The following GEMIN5 variants were observed in gnomAD, a reference collection of about 807,000 sequenced individuals.
GEMIN5 encodes gem-associated protein 5.
A neutral mutation model predicts 176.9 loss-of-function variants in GEMIN5; 124 were observed. The ratio of observed to expected loss-of-function variants is 0.70; its 90% CI spans 0.61 to 0.81. The LOEUF (loss-of-function observed/expected upper bound fraction) is 0.81. GEMIN5 is among the 40% of genes least tolerant of loss of function. The pLI, the probability that GEMIN5 is intolerant of heterozygous loss-of-function variation, is 0.00. For missense variants in GEMIN5, 1,843 were observed against 1,814.6 expected (o/e 1.02, Z -0.28); for synonymous variants, 673 against 665.2 (o/e 1.01, Z -0.18).
At chr5:154,931,337 G>C (rs763144453) in intron 5 of GEMIN5, 121 bp downstream of exon 5, 21 of 1,000,504 alleles carry the variant, frequency 2.1e-5, no homozygotes, top group Admixed American at 5.1e-5. Context: ...CAGAATTCTA[G>C]ACCAAAAAGT....
intron 2 of GEMIN5, among the ~76,000 whole-genome samples, chr5:154,936,764 CA>C (rs1206447314): frequency 1.3e-5 from 2 of 152,146 alleles, no homozygotes; most frequent in Non-Finnish European, 2.9e-5. Context: ...CAGTCATAGA[CA>C]ATACTTAAAT....
At chr5:154,906,977 G>A (rs1399483505) in intron 16 of GEMIN5, among the ~76,000 whole-genome samples, 2 of 152,138 alleles carry the variant, frequency 1.3e-5, no homozygotes. Context: ...AACAGGTCCC[G>A]AGTAAATGTA....
At chr5:154,923,247 G>A (rs1400778466) in intron 9 of GEMIN5, among the ~76,000 whole-genome samples, 1 of 152,078 alleles carries the variant, frequency 6.6e-6, no homozygotes, top group African/African-American at 2.4e-5. Context: ...AGGTGTGGTG[G>A]CACATGCCTG....
chr5:154,935,655 A>T (rs1351606266), intron 3 of GEMIN5, among the ~76,000 whole-genome samples, 186 bp downstream of exon 3: 2 of 152,222 alleles, frequency 1.3e-5, no homozygotes, highest in Non-Finnish European at 2.9e-5. Flanking sequence ...GAAACCAAGG[A>T]AACAAAAACG....
chr5:154,937,976 G>T lies in GEMIN5; in HGVS notation c.158C>A (p.Pro53Gln), dbSNP rs201862403. Residue 53 changes from proline to glutamine, a missense_variant, in exon 1 of 28, where the codon CCG (proline) becomes CAG (glutamine). Physicochemically the swap from Pro to Gln is moderately conservative, Grantham distance 76 (BLOSUM62 -1). Coordinates refer to ENST00000285873, the MANE Select transcript of GEMIN5 (RefSeq NM_015465.5). ...PGAGESPGTPPFRVIGELVGH... is the reference protein window; with the variant it reads ...PGAGESPGTPQFRVIGELVGH... ...CAAGGGTGGTGAGTTACCTCGAAAC[G>T]GGGGTGTCCCTGGACTCTCGCCTGC... 6.3e-5 allele frequency: 99 copies of T among 1,573,286 alleles called. 1 individual carries two copies. In the East Asian group the frequency reaches 2.4e-3, roughly 38 times the overall value.
At chr5:154,902,466 A>AGCC in intron 20 of GEMIN5, 73 bp downstream of exon 20, 1 of 1,367,816 alleles carries the variant, frequency 7.3e-7, no homozygotes, top group East Asian at 2.3e-5. Flanking sequence ...CTGTGCTAAG[A>AGCC]GCCATCTTTA....
At position 154,896,124 on chromosome 5, in the gene GEMIN5, G is replaced by A. The variant is rs773508186; in HGVS notation, c.3565C>T (p.Pro1189Ser). Reference protein sequence around the residue: ...AFQKLQNIKYPSATNNTPAKQ... With the variant: ...AFQKLQNIKYSSATNNTPAKQ... ...GCAGGTGTGTTATTTGTAGCAGATG[G>A]GTACTTGATGTTCTGCAGCTTCTGA... is the stretch of plus-strand genomic sequence containing the variant. The change falls in exon 24 of 28, where the codon CCA (proline) becomes TCA (serine). Residue 1189 changes from proline (P) to serine (S), a missense_variant. Pro to Ser is a moderately conservative substitution (Grantham distance 74, BLOSUM62 -1). Coordinates refer to ENST00000285873, the MANE Select transcript of GEMIN5 (RefSeq NM_015465.5). The A allele has an allele frequency of 6.2e-7, 1 of 1,613,720 alleles. No individual in the cohort carries two copies. The highest frequency in any genetic ancestry group is 8.5e-7 in the Non-Finnish European group (1 of 1,179,832).
rs543293074 is a variant in GEMIN5 at position 154,900,374 on chromosome 5, T to G, written c.3014+965A>C. ...CAATATTTTGAAAGTATTTTGGGAC[T>G]TCTACTTCCAGCCATGATGGAGTAA... On this transcript the variant is annotated intron_variant, in intron 21 of 27. Transcript: ENST00000285873. 3.9e-5 allele frequency among the ~76,000 whole-genome samples: 6 copies of G among 152,336 alleles called. No homozygotes were observed. The South Asian group carries it at 1.2e-3, about 32-fold the overall frequency.
In GEMIN5 at chr5:154,937,128, T is replaced by C. The variant is rs750391422; in HGVS notation, c.224A>G (p.His75Arg). Residue 75 changes from histidine (H) to arginine (R), a missense_variant, in exon 2 of 28, where the codon CAC becomes CGC. Physicochemically the swap from His to Arg is conservative, Grantham distance 29 (BLOSUM62 0). Coordinates refer to ENST00000285873, the MANE Select transcript of GEMIN5 (RefSeq NM_015465.5). ...GGCACAGAGGTTGTACTGACCAGGG[T>C]GATGAGAAAATGTGAAGCCAGAGAC... is the stretch of plus-strand genomic sequence containing the variant. ...ERVSGFTFSH[H>R]PGQYNLCATS... 8.1e-5 allele frequency: 131 copies of C among 1,613,598 alleles called. No individual in the cohort carries two copies. The highest frequency in any genetic ancestry group is 1.0e-4 in the Non-Finnish European group (119 of 1,179,726).
In GEMIN5 at chr5:154,888,250, G is replaced by C; in HGVS notation, c.4487C>G (p.Thr1496Arg). 1.2e-6 allele frequency: 2 copies of C among 1,614,178 alleles called. No individual in the cohort carries two copies. Among genetic ancestry groups the C allele is most frequent in the Non-Finnish European group, 1.7e-6 (2 of 1,180,032 alleles). Reference protein sequence around the residue: ...AQELLQKYGNTKTYRRHCQTF... With the variant: ...AQELLQKYGNRKTYRRHCQTF... ...CTGGCAGTGTCTTCTGTAAGTTTTC[G>C]TGTTGCCGTATTTCTGAAGGAGCTC... Residue 1496 changes from threonine to arginine, a missense_variant, in exon 28 of 28, where the codon ACG becomes AGG. Transcript: ENST00000285873.
intron 18 of GEMIN5, among the ~76,000 whole-genome samples, chr5:154,903,647 A>G (rs1763510241): frequency 6.6e-6 from 1 of 152,194 alleles, no homozygotes; most frequent in Admixed American, 6.5e-5. Flanking sequence ...TAATAGTTTG[A>G]TTATGCAATA....
chr5:154,934,564 G>A (rs1331479254), intron 3 of GEMIN5, among the ~76,000 whole-genome samples: 6 of 152,062 alleles, frequency 3.9e-5, no homozygotes, highest in Middle Eastern at 3.4e-3. Flanking sequence ...CACCCGCCTC[G>A]GCCTCCCAAA....
chr5:154,892,603 G>A (rs927554202), intron 24 of GEMIN5, 54 bp from the exon 25 acceptor site: 2 of 1,548,138 alleles, frequency 1.3e-6, no homozygotes, highest in Admixed American at 1.8e-5. Flanking sequence ...TAGGCGCAGA[G>A]GATGCCACCA....
chr5:154,926,037 C>CA lies in GEMIN5; in HGVS notation c.1117dup (p.Trp373LeufsTer45). 1 of 1,613,376 alleles carries CA rather than the reference C, an allele frequency of 6.2e-7. No homozygotes were observed. Among genetic ancestry groups the CA allele is most frequent in the Non-Finnish European group, 8.5e-7 (1 of 1,179,434 alleles). ...AAACCCACCAAGGGAAGGAAGGGTCCAGCTGCACTCCAAGGTGGCTATGTC... is the reference window on the plus strand; with the variant it reads ...AAACCCACCAAGGGAAGGAAGGGTCCAAGCTGCACTCCAAGGTGGCTATGTC... On this transcript the variant is annotated frameshift_variant, in exon 8 of 28. Transcript: ENST00000285873. LOFTEE classifies it high-confidence loss of function.
intron 17 of GEMIN5, among the ~76,000 whole-genome samples, chr5:154,905,120 G>T (rs1763543888): frequency 6.6e-6 from 1 of 152,140 alleles, no homozygotes; most frequent in Non-Finnish European, 1.5e-5. Context: ...CTTGAGCCCG[G>T]GAAGTGGAGT....
chr5:154,894,030 C>T (rs547341783), intron 24 of GEMIN5, among the ~76,000 whole-genome samples: 11 of 152,266 alleles, frequency 7.2e-5, no homozygotes, highest in South Asian at 4.1e-4. Flanking sequence ...CTGCAGCCTC[C>T]GTCTCCCAGA....
chr5:154,893,067 A>T (rs1763271659), intron 24 of GEMIN5, among the ~76,000 whole-genome samples: 2 of 151,938 alleles, frequency 1.3e-5, no homozygotes, highest in African/African-American at 4.8e-5. Flanking sequence ...ACTGCACTCC[A>T]GTCTGAGCAT....
intron 23 of GEMIN5, 47 bp from the exon 24 acceptor site, chr5:154,896,390 C>A (rs746586086): frequency 6.6e-7 from 1 of 1,512,082 alleles, no homozygotes; most frequent in Non-Finnish European, 8.8e-7. Context: ...AGGGAAAGCA[C>A]TGGATGATCT....
intron 11 of GEMIN5, among the ~76,000 whole-genome samples, chr5:154,918,889 CA>C (rs1009701002): frequency 6.6e-6 from 1 of 150,876 alleles, no homozygotes; most frequent in African/African-American, 2.4e-5. Context: ...ACTAAAGACA[CA>C]AAAATTAGCC....
Sources: gnomAD v4.1 joint callset for allele counts (sites outside exome capture counted in the v4.1 genomes callset) on GRCh38, gnomAD v4.1.1 for gene constraint, MANE v1.5 for transcripts, NCBI Gene and HGNC (gene_info 2026-07-23, HGNC 2026-07-21) for gene names.